Variants in POMT2 observed in about 807,000 individuals in gnomAD.
POMT2 encodes the protein protein O-mannosyl-transferase 2.
POMT2 carries 75 observed loss-of-function variants against 100.0 expected under a neutral mutation model. The observed-to-expected ratio is 0.75, with a 90% CI of 0.62 to 0.91. The LOEUF (loss-of-function observed/expected upper bound fraction) is 0.91. Among genes scored for constraint, POMT2 ranks in the 40% least tolerant of loss-of-function variants. The pLI, the probability that POMT2 is intolerant of heterozygous loss-of-function variation, is 0.00. For missense variants in POMT2, 940 were observed against 955.1 expected (o/e 0.98, Z 0.21); for synonymous variants, 378 against 374.1 (o/e 1.01, Z -0.12).
At chr14:77,318,420 A>G (rs1471048062) in intron 1 of POMT2, among the ~76,000 whole-genome samples, 2 of 152,196 alleles carry the variant, frequency 1.3e-5, no homozygotes, top group Admixed American at 1.3e-4. Flanking sequence ...ACCAACTCCC[A>G]AACGCAGACC....
chr14:77,282,027 G>C (rs1890255729), intron 15 of POMT2, among the ~76,000 whole-genome samples: 1 of 152,170 alleles, frequency 6.6e-6, no homozygotes, highest in South Asian at 2.1e-4. Flanking sequence ...CAGACACAAA[G>C]GGGACAGCTG....
intron 15 of POMT2, 34 bp downstream of exon 15, chr14:77,283,763 T>C (rs1890312844): frequency 6.5e-7 from 1 of 1,545,864 alleles, no homozygotes; most frequent in Non-Finnish European, 8.9e-7. Context: ...CAAAAGCTCT[T>C]AGAGACGCCA....
At chr14:77,292,663 T>C (rs919951014) in intron 9 of POMT2, among the ~76,000 whole-genome samples, 3 of 152,208 alleles carry the variant, frequency 2.0e-5, no homozygotes, top group African/African-American at 7.2e-5. Flanking sequence ...GACATTTTGG[T>C]CAACAACAAA....
At chr14:77,287,248 C>A (rs1240296427) in intron 11 of POMT2, 1 of 191,408 alleles carries the variant, frequency 5.2e-6, no homozygotes, top group Non-Finnish European at 1.1e-5. Flanking sequence ...CTGCTCCCAT[C>A]GCCAGATTTT....
intron 11 of POMT2, 200 bp from the exon 12 acceptor site, chr14:77,287,022 C>A: frequency 9.3e-7 from 1 of 1,070,720 alleles, no homozygotes; most frequent in South Asian, 1.6e-5. Flanking sequence ...TGAGCCCAAA[C>A]CAGGAGAGAC....
intron 5 of POMT2, 136 bp from the exon 6 acceptor site, chr14:77,301,385 AC>A: frequency 1.7e-6 from 2 of 1,210,634 alleles, no homozygotes; most frequent in Non-Finnish European, 2.4e-6. Context: ...GCCTCAAGGG[AC>A]CATGGCGTGG....
chr14:77,311,651 T>C (rs942549832), intron 2 of POMT2, among the ~76,000 whole-genome samples: 11 of 152,266 alleles, frequency 7.2e-5, no homozygotes, highest in African/African-American at 2.7e-4. Flanking sequence ...ATCCATGTTG[T>C]AGCATGTATC....
At chr14:77,308,864 C>A in intron 2 of POMT2, 1 of 414,326 alleles carries the variant, frequency 2.4e-6, no homozygotes, top group Admixed American at 2.8e-5. Flanking sequence ...AACTATACAA[C>A]GATATATGTA....
Position 77,285,488 on chromosome 14 carries a change from GCAGAACCTTTCC to G in POMT2, c.1465_1476del (p.Gly489_Leu492del), listed in dbSNP as rs771183711. The G allele has an allele frequency of 6.2e-7, 1 of 1,614,062 alleles. No homozygotes were observed. Among genetic ancestry groups the G allele is most frequent in the African/African-American group, 1.3e-5 (1 of 75,036 alleles). ...AAAACCCTAGAGACTTACCACTTGGGCAGAACCTTTCCCGAGGAGCCCAGGACACAACCTGTG... is the reference window on the plus strand; with the variant it reads ...AAAACCCTAGAGACTTACCACTTGGGCGAGGAGCCCAGGACACAACCTGTG... On this transcript the variant is annotated inframe_deletion, in exon 13 of 21. Coordinates refer to ENST00000261534, the MANE Select transcript of POMT2 (RefSeq NM_013382.7).
Position 77,299,526 on chromosome 14 carries a change from C to T in POMT2, c.852G>A (p.Leu284=). The T allele has an allele frequency of 6.2e-7, 1 of 1,614,188 alleles. No homozygotes were observed. Among genetic ancestry groups the T allele is most frequent in the South Asian group, 1.1e-5 (1 of 91,088 alleles). ...GAGCCAGGGGCAGCACTATGAGGCACAGGACACGAGCAGTCAGGTGTTTTC... is the reference window on the plus strand; with the variant it reads ...GAGCCAGGGGCAGCACTATGAGGCATAGGACACGAGCAGTCAGGTGTTTTC... The part of the protein sequence containing the change: ...TVGKHLTARV[L]CLIVLPLALY... The change falls in exon 7 of 21, where the codon CTG becomes CTA. Residue 284 remains leucine, a synonymous_variant. Transcript: ENST00000261534.
chr14:77,302,871 A>T lies in POMT2; in HGVS notation c.620T>A (p.Met207Lys), dbSNP rs1326409250. 1 of 1,613,794 alleles carries T rather than the reference A, an allele frequency of 6.2e-7. No individual in the cohort carries two copies. Among genetic ancestry groups the T allele is most frequent in the Non-Finnish European group, 8.5e-7 (1 of 1,179,708 alleles). The change falls in exon 5 of 21, where the codon ATG (methionine) becomes AAG (lysine). Residue 207 changes from methionine (M) to lysine (K), a missense_variant. Physicochemically the swap from Met to Lys is moderately conservative, Grantham distance 95. Coordinates refer to ENST00000261534, the MANE Select transcript of POMT2 (RefSeq NM_013382.7). ...PILMFFIMAA[M>K]LSMVKYNSCA... ...AGAGTTGTACTTGACCATGCTCAGC[A>T]TGGCAGCCATGATGAAGAACATCAG...
In POMT2 at chr14:77,279,804, A is replaced by C; in HGVS notation, c.1891+19T>G. ...CTGCTGCCGCCAGGTCAGGGGAGGG[A>C]GAGCCCAGAGGACCTGACCTGCAAC... On this transcript the variant is annotated intron_variant, in intron 18 of 20. Coordinates refer to ENST00000261534, the MANE Select transcript of POMT2 (RefSeq NM_013382.7). The C allele has an allele frequency of 6.2e-7, 1 of 1,607,670 alleles. No individual in the cohort carries two copies. Among genetic ancestry groups the C allele is most frequent in the Non-Finnish European group, 8.5e-7 (1 of 1,177,492 alleles).
intron 8 of POMT2, chr14:77,296,532 G>A (rs561052205): frequency 3.4e-5 from 17 of 499,534 alleles, no homozygotes; most frequent in South Asian, 1.9e-4. Context: ...AGCACTACGT[G>A]TAACAGCAAA....
In POMT2 at chr14:77,278,463, G is replaced by T. The variant is rs1054015193; in HGVS notation, c.2078C>A (p.Ala693Asp). The change falls in exon 20 of 21, where the codon GCC becomes GAC. Residue 693 changes from alanine to aspartate, a missense_variant. Transcript: ENST00000261534. Reference sequence around the variant, plus strand: ...TATGCCCCTCGCCAGGGGCCATGAGGCCAAGCCCCAGGCACAGAGCCGCAG... The same window carrying T: ...TATGCCCCTCGCCAGGGGCCATGAGTCCAAGCCCCAGGCACAGAGCCGCAG... ...TLLRLCAWGL[A>D]SWPLARGIHV... is the part of the protein sequence containing the mutation. 5.3e-6 allele frequency: 8 copies of T among 1,506,452 alleles called. No homozygotes were observed. The highest frequency in any genetic ancestry group is 1.4e-5 in the African/African-American group (1 of 72,044). The allele number at this position is 1,506,452 out of a possible 1,614,324, so 93.3% of individuals were successfully genotyped here. A position where few individuals can be genotyped will look rare whatever the true frequency, so the allele number is the denominator to read the frequency against.
chr14:77,280,962 T>A (rs998998959), intron 15 of POMT2, among the ~76,000 whole-genome samples: 1 of 151,984 alleles, frequency 6.6e-6, no homozygotes, highest in African/African-American at 2.4e-5. Context: ...AGCGTAGCGG[T>A]GGGTGCCTGT....
In POMT2 at chr14:77,283,869, T is replaced by A; in HGVS notation, c.1581A>T (p.Pro527=). 1.9e-6 allele frequency: 3 copies of A among 1,610,926 alleles called. No homozygotes were observed. The highest frequency in any genetic ancestry group is 1.7e-6 in the Non-Finnish European group (2 of 1,177,036). ...GCTGTAGCACATCCAGGCTGATGTT[T>A]GGCACTAGGGGAAAAAAATGCAGGA... The part of the protein sequence containing the change: ...NVEDHINPKL[P]NISLDVLQPS... Residue 527 remains proline, a synonymous_variant, in exon 15 of 21, where the codon CCA becomes CCT. Coordinates refer to ENST00000261534, the MANE Select transcript of POMT2 (RefSeq NM_013382.7).
At chr14:77,319,838 C>A (rs1891782694) in intron 1 of POMT2, among the ~76,000 whole-genome samples, 2 of 152,224 alleles carry the variant, frequency 1.3e-5, no homozygotes, top group South Asian at 4.1e-4. Context: ...AATAAAGCAA[C>A]CCTGACAGTC....
chr14:77,301,050 G>C (rs760847460), intron 6 of POMT2, 40 bp downstream of exon 6: 2 of 1,613,072 alleles, frequency 1.2e-6, no homozygotes, highest in Admixed American at 1.7e-5. Context: ...GCAACATCAG[G>C]GAGCAAAAAC....
chr14:77,310,905 G>A (rs1043585554), intron 2 of POMT2, among the ~76,000 whole-genome samples: 3 of 152,214 alleles, frequency 2.0e-5, no homozygotes, highest in East Asian at 1.9e-4. Flanking sequence ...AGGCCAAGGC[G>A]GGTGGACCAC....
Sources: allele counts gnomAD v4.1 joint callset (sites outside exome capture counted in the v4.1 genomes callset), GRCh38; gene constraint gnomAD v4.1.1; transcripts MANE v1.5; gene names NCBI Gene and HGNC (gene_info 2026-07-23, HGNC 2026-07-21).